EPHX1: variants seen among roughly 807,000 people sequenced by gnomAD.
EPHX1 encodes the protein epoxide hydratase.
A neutral mutation model predicts 43.2 loss-of-function variants in EPHX1; 40 were observed. The ratio of observed to expected loss-of-function variants is 0.93; its 90% CI spans 0.72 to 1.21. The LOEUF (loss-of-function observed/expected upper bound fraction) is 1.21. Ranked by LOEUF, EPHX1 falls within the 50% of genes most tolerant of loss-of-function variation. The probability of loss-of-function intolerance (pLI) is 0.00; values close to 1 mark genes in which losing one functional copy is unlikely to be tolerated. For missense variants in EPHX1, 550 were observed against 570.4 expected, an observed-to-expected ratio of 0.96 and a Z score of 0.36; for synonymous variants, 221 against 226.7, an observed-to-expected ratio of 0.98 and a Z score of 0.22.
chr1:225,823,225 T>A (rs996065575), intron 1 of EPHX1, among the ~76,000 whole-genome samples: 2 of 150,468 alleles, frequency 1.3e-5, no homozygotes, highest in African/African-American at 2.5e-5. Flanking sequence ...AAGATGAGGG[T>A]CTTGCTATGT....
chr1:225,842,620 C>A, intron 7 of EPHX1, 146 bp downstream of exon 7: 1 of 731,148 alleles, frequency 1.4e-6, no homozygotes, highest in Non-Finnish European at 2.5e-6. Context: ...ACCCTGTGAC[C>A]AACGTAGCTG....
chr1:225,831,634 C>T, intron 2 of EPHX1, 145 bp from the exon 3 acceptor site: 1 of 738,362 alleles, frequency 1.4e-6, no homozygotes, highest in Non-Finnish European at 2.4e-6. Context: ...TTGGGAGTAG[C>T]CAGTGATGTG....
chr1:225,812,296 G>T (rs1292163046), intron 1 of EPHX1, among the ~76,000 whole-genome samples: 1 of 152,214 alleles, frequency 6.6e-6, no homozygotes, highest in African/African-American at 2.4e-5. Flanking sequence ...GACAGCCAGG[G>T]TGAACCTCAG....
At chr1:225,819,489 C>T (rs1666887967) in intron 1 of EPHX1, among the ~76,000 whole-genome samples, 1 of 151,838 alleles carries the variant, frequency 6.6e-6, no homozygotes, top group South Asian at 2.1e-4. Flanking sequence ...GTGGACCGGG[C>T]AGGGTAGTAG....
rs869228485 is a variant in EPHX1, at chr1:225,821,565, CTTTTTT to C, written c.-5-7141_-5-7136del. 4.3e-5 allele frequency among the ~76,000 whole-genome samples: 3 copies of C among 69,864 alleles called. No homozygotes were observed. The Admixed American group carries it at 5.4e-4, about 13-fold the overall frequency. 45.8% of individuals were successfully genotyped at this position (69,864 alleles called of 152,430 possible). A position where few individuals can be genotyped will look rare whatever the true frequency, so the allele number is the denominator to read the frequency against. Reference sequence around the variant, plus strand: ...CCAGCCTGTTTTTCATTTTTTGGTTCTTTTTTTTTTTTTTTTTTTTTTTTGAGACAG... The same window carrying C: ...CCAGCCTGTTTTTCATTTTTTGGTTCTTTTTTTTTTTTTTTTTTGAGACAG... On this transcript the variant is annotated intron_variant, in intron 1 of 8. Transcript: ENST00000272167.
intron 5 of EPHX1, 134 bp from the exon 6 acceptor site, chr1:225,839,695 A>G (rs1668229177): frequency 9.8e-7 from 1 of 1,019,192 alleles, no homozygotes; most frequent in East Asian, 2.4e-5. Flanking sequence ...TGGCCTCCCC[A>G]GTGGGGCCAG....
chr1:225,845,474 C>T lies in EPHX1; in HGVS notation c.*127C>T, dbSNP rs771396693. The stretch of plus-strand genomic sequence containing the variant: ...CCTGCCCATGCTGGGAGCCCACGCT[C>T]ACCCCCTCACCCCTCCAAGCTCACT... On this transcript the variant is annotated 3_prime_UTR_variant, in exon 9 of 9. Transcript: ENST00000272167. The T allele has an allele frequency of 3.3e-6, 3 of 903,318 alleles. No homozygotes were observed. The highest frequency in any genetic ancestry group is 5.1e-6 in the Non-Finnish European group (3 of 590,914). The allele number at this position is 903,318 out of a possible 1,614,324, so 56.0% of individuals were successfully genotyped here.
intron 7 of EPHX1, 57 bp from the exon 8 acceptor site, chr1:225,844,441 T>G: frequency 6.2e-7 from 1 of 1,613,526 alleles, no homozygotes. Context: ...CTGGCTGCCC[T>G]TTGTCACACA....
At chr1:225,824,288 T>C (rs1667124468) in intron 1 of EPHX1, among the ~76,000 whole-genome samples, 1 of 152,082 alleles carries the variant, frequency 6.6e-6, no homozygotes, top group Non-Finnish European at 1.5e-5. Context: ...GCCTGAAGAC[T>C]CAAGGCTGCA....
At chr1:225,832,269 G>T in intron 3 of EPHX1, 1 of 387,172 alleles carries the variant, frequency 2.6e-6, no homozygotes, top group East Asian at 6.3e-5. Context: ...GCCAAGTGGG[G>T]TGGCTCAGAA....
chr1:225,831,546 CAA>C lies in EPHX1; in HGVS notation c.184-221_184-220del, dbSNP rs75126131. Reference sequence around the variant, plus strand: ...TGGGCAACAGAGTGAGACCCTATCTCAAAAAAAAAAAAAGAAAAAAGAAAAAA... The same window carrying C: ...TGGGCAACAGAGTGAGACCCTATCTCAAAAAAAAAAAGAAAAAAGAAAAAA... On this transcript the variant is annotated intron_variant, in intron 2 of 8. Transcript: ENST00000272167. 5.0e-4 allele frequency among the ~76,000 whole-genome samples: 52 copies of C among 104,658 alleles called. No homozygotes were observed. The East Asian group carries it at 6.9e-3, about 14-fold the overall frequency. The allele number at this position is 104,658 out of a possible 152,430, so 68.7% of individuals were successfully genotyped here. A position where few individuals can be genotyped will look rare whatever the true frequency, so the allele number is the denominator to read the frequency against.
chr1:225,833,059 C>T (rs1667706179), intron 3 of EPHX1, among the ~76,000 whole-genome samples: 1 of 152,326 alleles, frequency 6.6e-6, no homozygotes, highest in Admixed American at 6.5e-5. Context: ...CAGGCGTGAT[C>T]ATGGCTCACC....
intron 1 of EPHX1, among the ~76,000 whole-genome samples, chr1:225,818,848 G>A (rs1360218383): frequency 6.6e-6 from 1 of 151,422 alleles, no homozygotes; most frequent in Non-Finnish European, 1.5e-5. Context: ...CAGCTATTTG[G>A]GAGGCTAAAG....
chr1:225,828,708 T>G lies in EPHX1; in HGVS notation c.-5-17T>G. 6.2e-7 allele frequency: 1 copy of G among 1,609,486 alleles called. No individual in the cohort carries two copies. Among genetic ancestry groups the G allele is most frequent in the East Asian group, 2.2e-5 (1 of 44,680 alleles). Reference sequence around the variant, plus strand: ...CTGGGCGGGCTCCGTTGTTAATGGCTTCCCCTCATCTTGCAGGAGCCATGT... The same window carrying G: ...CTGGGCGGGCTCCGTTGTTAATGGCGTCCCCTCATCTTGCAGGAGCCATGT... On this transcript the variant is annotated splice_polypyrimidine_tract_variant and intron_variant, in intron 1 of 8. Coordinates refer to ENST00000272167, the MANE Select transcript of EPHX1 (RefSeq NM_001136018.4).
rs1195351245 is a variant in EPHX1 at position 225,838,889 on chromosome 1, G to T, written c.592+8G>T. ...AGGCATCCTCCAAGAAGGGTACGGG[G>T]CTGCTAGAGGTTCCATAACTGCCCC... On this transcript the variant is annotated splice_region_variant and intron_variant, in intron 4 of 8. Coordinates refer to ENST00000272167, the MANE Select transcript of EPHX1 (RefSeq NM_001136018.4). 1 of 1,613,560 alleles carries T rather than the reference G, an allele frequency of 6.2e-7. No homozygotes were observed. The highest frequency in any genetic ancestry group is 2.2e-5 in the East Asian group (1 of 44,860).
At position 225,838,817 on chromosome 1, in the gene EPHX1, C is replaced by T. The variant is rs1413982618; in HGVS notation, c.528C>T (p.His176=). 8 of 1,614,090 alleles carry T rather than the reference C, an allele frequency of 5.0e-6. No homozygotes were observed. Among genetic ancestry groups the T allele is most frequent in the African/African-American group, 1.3e-5 (1 of 74,946 alleles). The part of the protein sequence containing the change: ...DPKNHGLSDE[H]VFEVICPSIP... The stretch of plus-strand genomic sequence containing the variant: ...AGAACCATGGCCTGAGCGATGAGCA[C>T]GTTTTTGAAGTCATCTGCCCTTCCA... Residue 176 remains histidine, a synonymous_variant, in exon 4 of 9, where the codon CAC becomes CAT. Coordinates refer to ENST00000272167, the MANE Select transcript of EPHX1 (RefSeq NM_001136018.4).
At chr1:225,811,731 C>T (rs1028556468) in intron 1 of EPHX1, among the ~76,000 whole-genome samples, 1 of 152,192 alleles carries the variant, frequency 6.6e-6, no homozygotes, top group East Asian at 1.9e-4. Context: ...CTTGGTCTGA[C>T]TTAGCAGCAA....
intron 2 of EPHX1, among the ~76,000 whole-genome samples, chr1:225,830,629 T>C (rs1667527629): frequency 6.6e-6 from 1 of 152,142 alleles, no homozygotes; most frequent in Non-Finnish European, 1.5e-5. Flanking sequence ...CATGCCTGGC[T>C]AATTTTTGTA....
intron 1 of EPHX1, among the ~76,000 whole-genome samples, chr1:225,819,501 C>A (rs1666888735): frequency 6.6e-6 from 1 of 151,900 alleles, no homozygotes; most frequent in Non-Finnish European, 1.5e-5. Context: ...GGGTAGTAGT[C>A]CAGGGGAGAG....
Sources: gnomAD v4.1 joint callset for allele counts (sites outside exome capture counted in the v4.1 genomes callset) on GRCh38, gnomAD v4.1.1 for gene constraint, MANE v1.5 for transcripts, NCBI Gene and HGNC (gene_info 2026-07-23, HGNC 2026-07-21) for gene names.